ENOSF1: variants seen among roughly 807,000 people sequenced by gnomAD.
ENOSF1 encodes mitochondrial enolase superfamily member 1.
In ENOSF1, 73 loss-of-function variants were observed where a neutral mutation model predicts 68.2. The observed-to-expected ratio is 1.07, with a 90% CI of 0.89 to 1.30. The LOEUF (loss-of-function observed/expected upper bound fraction) is 1.30. Among genes scored for constraint, ENOSF1 ranks in the 50% most tolerant of loss-of-function variants. The probability of loss-of-function intolerance (pLI) is 0.00; values close to 1 mark genes in which losing one functional copy is unlikely to be tolerated. For missense variants in ENOSF1, 589 were observed against 554.5 expected (o/e 1.06, Z -0.62); for synonymous variants, 223 against 210.4 (o/e 1.06, Z -0.52).
chr18:668,224 TTCA>T (rs2074894442), downstream of ENOSF1, among the ~76,000 whole-genome samples: 3 of 150,610 alleles, frequency 2.0e-5, no homozygotes, highest in East Asian at 5.8e-4. Flanking sequence ...ACTACCAAGG[TTCA>T]TCTTTTTAAA....
chr18:710,339 G>A (rs947517555), intron 1 of ENOSF1, among the ~76,000 whole-genome samples: 2 of 151,978 alleles, frequency 1.3e-5, no homozygotes, highest in African/African-American at 4.8e-5. Context: ...CGAACTCCTG[G>A]GCTCAAGCGA....
At chr18:694,818 C>CTATA (rs1555662701) in intron 3 of ENOSF1, among the ~76,000 whole-genome samples, 16 of 151,796 alleles carry the variant, frequency 1.1e-4, no homozygotes, top group Admixed American at 3.9e-4. Flanking sequence ...TTCTCTCTCT[C>CTATA]TATATATATG....
At chr18:692,754 C>T in intron 5 of ENOSF1, 1 of 996,228 alleles carries the variant, frequency 1.0e-6, no homozygotes, top group Non-Finnish European at 1.2e-6. Context: ...CTCCTCCATC[C>T]CCGTAAAACG....
At chr18:688,730 T>C (rs972347391) in intron 8 of ENOSF1, 122 bp from the exon 9 acceptor site, 10 of 828,404 alleles carry the variant, frequency 1.2e-5, no homozygotes, top group Middle Eastern at 2.5e-4. Context: ...GTAACACCCA[T>C]GTGTTGTTGA....
At chr18:688,417 C>G (rs1194407508) in intron 9 of ENOSF1, 157 bp downstream of exon 9, 2 of 786,564 alleles carry the variant, frequency 2.5e-6, no homozygotes, top group Non-Finnish European at 4.0e-6. Context: ...AGAGAAAGAG[C>G]CTGGCCTAAG....
At chr18:692,667 C>A in intron 5 of ENOSF1, 1 of 978,928 alleles carries the variant, frequency 1.0e-6, no homozygotes, top group Non-Finnish European at 1.2e-6. Flanking sequence ...GGAACAGGAT[C>A]CAAAAATGGA....
intron 2 of ENOSF1, among the ~76,000 whole-genome samples, chr18:702,188 T>G (rs1247707707): frequency 7.3e-6 from 1 of 137,736 alleles, no homozygotes; most frequent in Non-Finnish European, 1.5e-5. Flanking sequence ...CGCTTGAACC[T>G]GGGAGGTTGT....
chr18:686,258 AG>A (rs1598615802), intron 9 of ENOSF1: 1 of 452,584 alleles, frequency 2.2e-6, no homozygotes, highest in East Asian at 3.6e-5. Flanking sequence ...CAGGGAAGTC[AG>A]GTCTTTAATA....
chr18:694,537 A>T (rs1342838891), intron 3 of ENOSF1, among the ~76,000 whole-genome samples: 2 of 151,862 alleles, frequency 1.3e-5, no homozygotes, highest in Non-Finnish European at 2.9e-5. Context: ...CTGAGGCAAG[A>T]GGATCTCTCG....
At chr18:684,668 C>T (rs1229535664) in intron 10 of ENOSF1, among the ~76,000 whole-genome samples, 1 of 152,124 alleles carries the variant, frequency 6.6e-6, no homozygotes, top group Non-Finnish European at 1.5e-5. Flanking sequence ...CAGTCCTCTC[C>T]CTCCTAGGCC....
the ENOSF1 span, among the ~76,000 whole-genome samples, chr18:664,236 C>T: frequency 6.6e-6 from 1 of 151,914 alleles, no homozygotes; most frequent in Non-Finnish European, 1.5e-5. Flanking sequence ...CCTTCACATC[C>T]CTTTTAAGGT....
chr18:672,345 T>C lies in ENOSF1; in HGVS notation c.*1960A>G, dbSNP rs1330742258. On this transcript the variant is annotated 3_prime_UTR_variant, in exon 16 of 16. Coordinates refer to ENST00000647584, the MANE Select transcript of ENOSF1 (RefSeq NM_017512.7). Reference sequence around the variant, plus strand: ...GAGGTGACTTCAGGCTTATTCTCTCTGGCTCTCTGCTCTGGTCGTTTTTAG... The same window carrying C: ...GAGGTGACTTCAGGCTTATTCTCTCCGGCTCTCTGCTCTGGTCGTTTTTAG... 6.6e-6 allele frequency: 1 copy of C among 152,338 alleles called. No individual in the cohort carries two copies. Among genetic ancestry groups the C allele is most frequent in the Non-Finnish European group, 1.5e-5 (1 of 68,126 alleles). 9.4% of individuals were successfully genotyped at this position (152,338 alleles called of 1,614,324 possible). A position where few individuals can be genotyped will look rare whatever the true frequency, so the allele number is the denominator to read the frequency against.
rs528952021 is a variant in ENOSF1, at chr18:707,689, T to C, written c.85-1111A>G. On this transcript the variant is annotated intron_variant, in intron 1 of 15. Coordinates refer to ENST00000647584, the MANE Select transcript of ENOSF1 (RefSeq NM_017512.7). Reference sequence around the variant, plus strand: ...ATTTATTACTGTTATTATTCTATAATATTTATTGTGCCAGACACACTATAT... The same window carrying C: ...ATTTATTACTGTTATTATTCTATAACATTTATTGTGCCAGACACACTATAT... 5 of 152,346 alleles carry C rather than the reference T, an allele frequency of 3.3e-5. No individual in the cohort carries two copies. In the South Asian group the frequency reaches 8.3e-4, roughly 25 times the overall value. 9.4% of individuals were successfully genotyped at this position (152,346 alleles called of 1,614,324 possible).
At position 693,912 on chromosome 18, in the gene ENOSF1, G is replaced by A. The variant is rs757835572; in HGVS notation, c.397-4C>T. On this transcript the variant is annotated splice_region_variant and splice_polypyrimidine_tract_variant and intron_variant, in intron 4 of 15. Transcript: ENST00000647584. Reference sequence around the variant, plus strand: ...CCACAAGTAACTTCCAGACAGGCTTGAAGTAAAAAAGAAAGGATTTGTAAG... The same window carrying A: ...CCACAAGTAACTTCCAGACAGGCTTAAAGTAAAAAAGAAAGGATTTGTAAG... 6.2e-7 allele frequency: 1 copy of A among 1,613,910 alleles called. No homozygotes were observed. The highest frequency in any genetic ancestry group is 1.1e-5 in the South Asian group (1 of 91,010).
chr18:691,069 T>G lies in ENOSF1; in HGVS notation c.534A>C (p.Arg178Ser), dbSNP rs764665838. The G allele has an allele frequency of 6.2e-7, 1 of 1,613,690 alleles. No individual in the cohort carries two copies. The highest frequency in any genetic ancestry group is 1.1e-5 in the South Asian group (1 of 90,888). Residue 178 changes from arginine to serine, a missense_variant and splice_region_variant, in exon 7 of 16, where the codon AGA becomes AGC. Physicochemically the swap from Arg to Ser is moderately radical, Grantham distance 110. Coordinates refer to ENST00000647584, the MANE Select transcript of ENOSF1 (RefSeq NM_017512.7). ...LQKGQIGKKE[R>S]EKQMLAQGYP... ...GAAGAAAATTTTCTTACAACCCACC[T>G]CTTTCTTTTTTACCAATTTGACCTT... is the stretch of plus-strand genomic sequence containing the variant.
Position 688,414 on chromosome 18 carries a change from G to A in ENOSF1, c.653+160C>T, listed in dbSNP as rs2076831195. ...GACTCACATCCTGCCTTTAGAGAAA[G>A]AGCCTGGCCTAAGGGGAAACTTCTC... On this transcript the variant is annotated intron_variant, in intron 9 of 15. Coordinates refer to ENST00000647584, the MANE Select transcript of ENOSF1 (RefSeq NM_017512.7). 4.0e-6 allele frequency: 3 copies of A among 754,672 alleles called. 1 individual carries two copies. The Admixed American group carries it at 8.1e-5, about 20-fold the overall frequency. The allele number at this position is 754,672 out of a possible 1,614,324, so 46.7% of individuals were successfully genotyped here.
At chr18:702,460 A>G (rs538103253) in intron 2 of ENOSF1, among the ~76,000 whole-genome samples, 1 of 152,102 alleles carries the variant, frequency 6.6e-6, no homozygotes, top group South Asian at 2.1e-4. Flanking sequence ...CTGTAGTCCC[A>G]GCTACTTGGG....
chr18:681,202 T>TC (rs1232590492), intron 11 of ENOSF1, among the ~76,000 whole-genome samples: 2 of 152,190 alleles, frequency 1.3e-5, no homozygotes, highest in Non-Finnish European at 2.9e-5. Flanking sequence ...GGTGGCTCAC[T>TC]CTGACTGGCT....
At chr18:689,561 C>T (rs1050862438) in intron 8 of ENOSF1, among the ~76,000 whole-genome samples, 7 of 152,266 alleles carry the variant, frequency 4.6e-5, no homozygotes, top group Non-Finnish European at 7.4e-5. Context: ...GGATTATAGG[C>T]GTGAGCCACT....
Sources: allele counts gnomAD v4.1 joint callset (sites outside exome capture counted in the v4.1 genomes callset), GRCh38; gene constraint gnomAD v4.1.1; transcripts MANE v1.5; gene names NCBI Gene and HGNC (gene_info 2026-07-23, HGNC 2026-07-21).